The following CBLN2 variants were observed in gnomAD, a reference collection of about 807,000 sequenced individuals.
The protein encoded by CBLN2 is cerebellin 2 precursor, also known as cerebellin-2.
A neutral mutation model predicts 15.0 loss-of-function variants in CBLN2; 7 were observed. That is an observed-to-expected ratio of 0.47 (90% confidence interval 0.27 to 0.88). The LOEUF is 0.88. Ranked by LOEUF, CBLN2 falls within the 40% of genes least tolerant of loss-of-function variation. CBLN2 has a pLI of 0.14. For missense variants in CBLN2, 242 were observed against 304.5 expected (o/e 0.79, Z 1.53); for synonymous variants, 149 against 135.2 (o/e 1.10, Z -0.71).
At chr18:72,635,264 C>T (rs535528425) in intron 1 of CBLN2, among the ~76,000 whole-genome samples, 3 of 152,228 alleles carry the variant, frequency 2.0e-5, no homozygotes, top group Admixed American at 2.0e-4. Flanking sequence ...CTTTGGTCAA[C>T]AAATATTTTT....
At chr18:72,629,479 A>G (rs558165709) in intron 1 of CBLN2, among the ~76,000 whole-genome samples, 1 of 152,172 alleles carries the variant, frequency 6.6e-6, no homozygotes, top group Non-Finnish European at 1.5e-5. Flanking sequence ...AATAAAAATA[A>G]AAAGCAATGG....
intron 2 of CBLN2, chr18:72,542,916 CA>C (rs2069128734): frequency 1.0e-5 from 1 of 98,108 alleles, no homozygotes; most frequent in Non-Finnish European, 2.1e-5. Context: ...ACACCACACA[CA>C]CACACACACA....
chr18:72,537,858 A>G lies in CBLN2; in HGVS notation c.*318T>C, dbSNP rs766041524. The G allele has an allele frequency of 1.8e-5, 7 of 380,184 alleles. No individual in the cohort carries two copies. Among genetic ancestry groups the G allele is most frequent in the Non-Finnish European group, 3.4e-5 (7 of 203,586 alleles). The allele number at this position is 380,184 out of a possible 1,614,324, so 23.6% of individuals were successfully genotyped here. A position where few individuals can be genotyped will look rare whatever the true frequency, so the allele number is the denominator to read the frequency against. On this transcript the variant is annotated 3_prime_UTR_variant, in exon 5 of 5. Transcript: ENST00000269503. ...GGACGACAATACAACATACAAACAA[A>G]AGAGGTCCATGGTCCCAACAATAAA...
intron 1 of CBLN2, among the ~76,000 whole-genome samples, chr18:72,550,906 G>T (rs904960887): frequency 6.6e-6 from 1 of 151,846 alleles, no homozygotes; most frequent in Non-Finnish European, 1.5e-5. Flanking sequence ...AATGATATAC[G>T]GCTATATTCT....
At chr18:72,562,682 G>T (rs1450505976) in intron 1 of CBLN2, among the ~76,000 whole-genome samples, 1 of 152,176 alleles carries the variant, frequency 6.6e-6, no homozygotes, top group East Asian at 1.9e-4. Flanking sequence ...AGAGTCTTTG[G>T]AAACAGACAA....
chr18:72,586,430 T>G (rs1294207684), intron 1 of CBLN2, among the ~76,000 whole-genome samples: 2 of 152,298 alleles, frequency 1.3e-5, no homozygotes, highest in African/African-American at 4.8e-5. Context: ...CCAAAACTTC[T>G]TAAATGGAAC....
At chr18:72,614,780 G>A (rs62089073) in intron 1 of CBLN2, among the ~76,000 whole-genome samples, 2 of 151,788 alleles carry the variant, frequency 1.3e-5, no homozygotes, top group Non-Finnish European at 2.9e-5. Flanking sequence ...GGTAGAGTTG[G>A]GTAATTTGTT....
chr18:72,634,443 G>T (rs1599032914), intron 1 of CBLN2, among the ~76,000 whole-genome samples: 1 of 151,724 alleles, frequency 6.6e-6, no homozygotes, highest in Non-Finnish European at 1.5e-5. Flanking sequence ...TACTGAGTTG[G>T]CCTAGATAAA....
chr18:72,581,745 A>C (rs1052704517), intron 1 of CBLN2, among the ~76,000 whole-genome samples: 5 of 152,010 alleles, frequency 3.3e-5, no homozygotes, highest in African/African-American at 1.2e-4. Context: ...TTTGTTTGTA[A>C]ATTTTTTCTC....
intron 1 of CBLN2, among the ~76,000 whole-genome samples, chr18:72,574,366 A>G (rs1042671933): frequency 1.3e-5 from 2 of 152,106 alleles, no homozygotes; most frequent in African/African-American, 4.8e-5. Flanking sequence ...ATTTTCTCCC[A>G]TGTTTTCTTT....
intron 1 of CBLN2, among the ~76,000 whole-genome samples, chr18:72,616,732 T>G (rs2069665212): frequency 6.6e-6 from 1 of 152,174 alleles, no homozygotes. Context: ...GTTTGTCTAT[T>G]TCATCTATCT....
At chr18:72,625,454 T>C (rs977111619) in intron 1 of CBLN2, among the ~76,000 whole-genome samples, 24 of 151,752 alleles carry the variant, frequency 1.6e-4, no homozygotes, top group Non-Finnish European at 3.5e-4. Context: ...ATTTTTAAAA[T>C]TTTATCTCTA....
At chr18:72,625,713 TATATATATATATAC>T (rs1189863400) in intron 1 of CBLN2, among the ~76,000 whole-genome samples, 4 of 35,824 alleles carry the variant, frequency 1.1e-4, no homozygotes, top group South Asian at 2.5e-3. Context: ...TATATATATA[TATATATATATATAC>T]ACACTCTTGT....
At chr18:72,637,528 C>T (rs1242746204) in intron 1 of CBLN2, among the ~76,000 whole-genome samples, 1 of 152,176 alleles carries the variant, frequency 6.6e-6, no homozygotes, top group Non-Finnish European at 1.5e-5. Context: ...TGCTCCATGT[C>T]ACATGTGAAT....
intron 1 of CBLN2, among the ~76,000 whole-genome samples, chr18:72,597,048 A>C (rs1483448817): frequency 2.0e-5 from 3 of 152,194 alleles, no homozygotes; most frequent in African/African-American, 7.2e-5. Context: ...ACCAATAATT[A>C]TTAGGTTTGC....
intron 1 of CBLN2, among the ~76,000 whole-genome samples, chr18:72,577,370 C>A (rs1176882026): frequency 6.6e-6 from 1 of 152,030 alleles, no homozygotes; most frequent in Admixed American, 6.6e-5. Flanking sequence ...ACAAGTGTAT[C>A]ATTTTATTCT....
intron 1 of CBLN2, among the ~76,000 whole-genome samples, chr18:72,550,376 G>A (rs994418123): frequency 6.6e-6 from 1 of 152,120 alleles, no homozygotes; most frequent in Non-Finnish European, 1.5e-5. Context: ...ACCATACAGG[G>A]AGGTAAGGAA....
intron 1 of CBLN2, among the ~76,000 whole-genome samples, chr18:72,619,581 C>A (rs1321596479): frequency 1.3e-5 from 2 of 152,062 alleles, no homozygotes; most frequent in African/African-American, 4.8e-5. Flanking sequence ...TTCTTTTGTA[C>A]CTTCAGTGTA....
intron 3 of CBLN2, chr18:72,539,106 A>G: frequency 4.3e-6 from 1 of 233,796 alleles, no homozygotes; most frequent in Non-Finnish European, 8.6e-6. Context: ...CTTGTTAAAC[A>G]AATCCTAAAT....
Sources: gnomAD v4.1 joint callset for allele counts (sites outside exome capture counted in the v4.1 genomes callset) on GRCh38, gnomAD v4.1.1 for gene constraint, MANE v1.5 for transcripts, NCBI Gene and HGNC (gene_info 2026-07-23, HGNC 2026-07-21) for gene names.